The following SHROOM4 variants were observed in gnomAD, a reference collection of about 807,000 sequenced individuals.
SHROOM4 encodes protein Shroom4.
In SHROOM4, 17 loss-of-function variants were observed where a neutral mutation model predicts 80.3. That is an observed-to-expected ratio of 0.21 (90% CI 0.14 to 0.32). The LOEUF (loss-of-function observed/expected upper bound fraction) is 0.32. SHROOM4 is among the 10% of genes least tolerant of loss of function. The probability of loss-of-function intolerance (pLI) is 1.00; values close to 1 mark genes in which losing one functional copy is unlikely to be tolerated. For synonymous variants in SHROOM4, 400 were observed against 437.5 expected (o/e 0.91, Z 1.07); for missense variants, 993 against 1,140.3 (o/e 0.87, Z 1.86).
rs782001047 is a variant in SHROOM4 at position 50,633,276 on chromosome X, G to T, written c.2797C>A (p.Arg933=). Residue 933 remains arginine (R), a synonymous_variant, in exon 4 of 9, where the codon CGG becomes AGG. Coordinates refer to ENST00000376020, the MANE Select transcript of SHROOM4 (RefSeq NM_020717.5). The part of the protein sequence containing the change: ...NCRCHHHQCI[R]CSVCYHNPQH... ...GGATTATGATAGCAAACTGAACACC[G>T]AATGCATTGGTGGTGGTGGCACCGG... is the stretch of plus-strand genomic sequence containing the variant. 3.5e-5 allele frequency: 42 copies of T among 1,208,494 alleles called. No individual in the cohort carries two copies. In the East Asian group the frequency reaches 8.6e-4, roughly 25 times the overall value.
intron 1 of SHROOM4, among the ~76,000 whole-genome samples, chrX:50,712,290 T>C (rs1433952254): frequency 8.9e-6 from 1 of 111,993 alleles, no homozygotes; most frequent in African/African-American, 3.2e-5. Context: ...TGACATTCAA[T>C]TGAGTTTTGG....
Position 50,596,777 on chromosome X carries a change from T to G in SHROOM4, c.4400A>C (p.Glu1467Ala), listed in dbSNP as rs1557246757. ...CCCGAGCTTGATCTTCTCCTCCAGC[T>G]CTCGCTGTTCAATGATGAGAGCAGA... ...MKSALIIEQR[E>A]LEEKIKLGEE... The change falls in exon 9 of 9, where the codon GAG becomes GCG. Residue 1467 changes from glutamate to alanine, a missense_variant. Physicochemically the swap from Glu to Ala is moderately radical, Grantham distance 107. Coordinates refer to ENST00000376020, the MANE Select transcript of SHROOM4 (RefSeq NM_020717.5). 1.7e-6 allele frequency: 2 copies of G among 1,211,826 alleles called. No individual in the cohort carries two copies. The highest frequency in any genetic ancestry group is 2.2e-6 in the Non-Finnish European group (2 of 895,529).
At chrX:50,618,921 T>C (rs1162137770) in intron 5 of SHROOM4, among the ~76,000 whole-genome samples, 2 of 112,002 alleles carry the variant, frequency 1.8e-5, no homozygotes, top group African/African-American at 6.5e-5. Flanking sequence ...AAGGTACTTG[T>C]GCTACATTCA....
intron 1 of SHROOM4, among the ~76,000 whole-genome samples, chrX:50,701,037 G>C (rs1389621902): frequency 9.0e-6 from 1 of 111,722 alleles, no homozygotes; most frequent in African/African-American, 3.3e-5. Flanking sequence ...CTGACCTTGA[G>C]CCAACGGAAC....
the SHROOM4 span, among the ~76,000 whole-genome samples, chrX:50,579,048 C>G: frequency 1.8e-5 from 2 of 111,032 alleles, no homozygotes; most frequent in Non-Finnish European, 3.8e-5. Flanking sequence ...TGGTGGAACT[C>G]AAAAAACATG....
At chrX:50,813,788 G>C in intron 1 of SHROOM4, 114 bp downstream of exon 1, 2 of 550,926 alleles carry the variant, frequency 3.6e-6, no homozygotes, top group Non-Finnish European at 6.2e-6. Flanking sequence ...AGGGTCTTTC[G>C]CTCCCAGCCC....
At chrX:50,795,950 T>C (rs1936002174) in intron 1 of SHROOM4, among the ~76,000 whole-genome samples, 1 of 112,341 alleles carries the variant, frequency 8.9e-6, no homozygotes, top group Non-Finnish European at 1.9e-5. Flanking sequence ...TTTTTTAAAA[T>C]GTGGATGAAG....
intron 2 of SHROOM4, among the ~76,000 whole-genome samples, chrX:50,694,510 G>GTCTAT (rs1481978603): frequency 2.3e-5 from 1 of 42,722 alleles, no homozygotes; most frequent in Admixed American, 3.0e-4. Context: ...TTTAAGAAAT[G>GTCTAT]TCTATTCAGG....
At chrX:50,811,255 C>T (rs1290627989) in intron 1 of SHROOM4, among the ~76,000 whole-genome samples, 1 of 110,485 alleles carries the variant, frequency 9.1e-6, no homozygotes, top group African/African-American at 3.3e-5. Flanking sequence ...TGCAGTGAGC[C>T]GAGCTGGCAC....
At chrX:50,753,726 G>T (rs1569548542) in intron 1 of SHROOM4, among the ~76,000 whole-genome samples, 1 of 112,108 alleles carries the variant, frequency 8.9e-6, no homozygotes, top group Non-Finnish European at 1.9e-5. Context: ...ACTAAAATAT[G>T]TTATTAACAT....
At chrX:50,640,495 C>T (rs1179763280) in intron 2 of SHROOM4, among the ~76,000 whole-genome samples, 2 of 110,018 alleles carry the variant, frequency 1.8e-5, no homozygotes, top group African/African-American at 6.6e-5. Context: ...CTAGTCCAGG[C>T]CCTTGAAACT....
intron 1 of SHROOM4, among the ~76,000 whole-genome samples, chrX:50,702,482 A>C (rs188122130): frequency 1.8e-5 from 2 of 112,122 alleles, no homozygotes; most frequent in East Asian, 5.6e-4. Context: ...ACAGCAGTCA[A>C]AAAAAAGCAA....
rs914955450 is a variant in SHROOM4, at chrX:50,681,144, T to C, written c.269+14642A>G. On this transcript the variant is annotated intron_variant, in intron 2 of 8. Coordinates refer to ENST00000376020, the MANE Select transcript of SHROOM4 (RefSeq NM_020717.5). Reference sequence around the variant, plus strand: ...TCATTACCATCTCTTGCTTGAATTATTCCAAGTAGCCTCCTAACAAGTTTT... The same window carrying C: ...TCATTACCATCTCTTGCTTGAATTACTCCAAGTAGCCTCCTAACAAGTTTT... Among the ~76,000 whole-genome samples, 5 of 111,186 alleles carry C rather than the reference T, an allele frequency of 4.5e-5. No individual in the cohort carries two copies. The Admixed American group carries it at 4.8e-4, about 11-fold the overall frequency.
intron 1 of SHROOM4, among the ~76,000 whole-genome samples, chrX:50,762,566 T>C (rs1252955723): frequency 8.9e-6 from 1 of 112,328 alleles, no homozygotes; most frequent in Non-Finnish European, 1.9e-5. Context: ...CGATATTTCT[T>C]GTAAGGGAAG....
intron 1 of SHROOM4, among the ~76,000 whole-genome samples, chrX:50,714,368 A>G (rs1265005369): frequency 8.9e-6 from 1 of 112,066 alleles, no homozygotes; most frequent in Non-Finnish European, 1.9e-5. Context: ...ATATTTGCAA[A>G]CTATTCATCC....
intron 1 of SHROOM4, among the ~76,000 whole-genome samples, chrX:50,809,999 C>A (rs1936298898): frequency 9.0e-6 from 1 of 110,917 alleles, no homozygotes; most frequent in Admixed American, 9.5e-5. Flanking sequence ...GATAATCAAT[C>A]GTATTTTATT....
At chrX:50,795,062 GATAT>G (rs1313471402) in intron 1 of SHROOM4, among the ~76,000 whole-genome samples, 1 of 34,049 alleles carries the variant, frequency 2.9e-5, no homozygotes, top group Non-Finnish European at 5.1e-5. Flanking sequence ...ATATATATAT[GATAT>G]ATATATATGA....
At chrX:50,803,055 T>C (rs1831995241) in intron 1 of SHROOM4, among the ~76,000 whole-genome samples, 1 of 111,983 alleles carries the variant, frequency 8.9e-6, no homozygotes, top group African/African-American at 3.2e-5. Flanking sequence ...CCAGGTGTGG[T>C]GGCACACGCC....
At chrX:50,805,422 C>A (rs782385130) in intron 1 of SHROOM4, among the ~76,000 whole-genome samples, 19 of 111,753 alleles carry the variant, frequency 1.7e-4, no homozygotes, top group African/African-American at 5.9e-4. Flanking sequence ...CAGAAGACAC[C>A]ACAAAGGGGC....
Sources: gnomAD v4.1 joint callset for allele counts (sites outside exome capture counted in the v4.1 genomes callset) on GRCh38, gnomAD v4.1.1 for gene constraint, MANE v1.5 for transcripts, NCBI Gene and HGNC (gene_info 2026-07-23, HGNC 2026-07-21) for gene names.